MIS18A: variants seen among roughly 807,000 people sequenced by gnomAD.
MIS18A encodes protein Mis18-alpha.
Under a neutral mutation model 25.0 loss-of-function variants are expected in MIS18A, and 14 were observed. That is an observed-to-expected ratio of 0.56 (90% CI 0.37 to 0.88). MIS18A has a LOEUF of 0.88. Among genes scored for constraint, MIS18A ranks in the 40% least tolerant of loss-of-function variants. MIS18A has a pLI of 0.00. For synonymous variants in MIS18A, 134 were observed against 118.6 expected, an observed-to-expected ratio of 1.13 and a Z score of -0.84; for missense variants, 292 against 290.8, an observed-to-expected ratio of 1.00 and a Z score of -0.03.
chr21:32,172,592 C>T, the MIS18A span, among the ~76,000 whole-genome samples: 1 of 119,276 alleles, frequency 8.4e-6, no homozygotes, highest in Non-Finnish European at 1.7e-5. Context: ...TTTTTCCTTT[C>T]CTTTTTTTTT....
the MIS18A span, among the ~76,000 whole-genome samples, chr21:32,155,974 C>T: frequency 6.2e-3 from 940 of 151,920 alleles, 6 homozygotes; most frequent in Middle Eastern, 0.014. Flanking sequence ...TATTATTGAA[C>T]TTATGCAGAC....
the MIS18A span, among the ~76,000 whole-genome samples, chr21:32,232,219 A>G: frequency 6.6e-6 from 1 of 152,176 alleles, no homozygotes; most frequent in South Asian, 2.1e-4. Flanking sequence ...GAAGATCTAT[A>G]TATTCAGATA....
chr21:32,221,898 A>C, the MIS18A span, among the ~76,000 whole-genome samples: 264 of 152,174 alleles, frequency 1.7e-3, 1 homozygote, highest in African/African-American at 6.1e-3. Context: ...AAAAGAAAAA[A>C]AAAGCTAGCA....
chr21:32,213,213 C>T, the MIS18A span, among the ~76,000 whole-genome samples: 1 of 152,036 alleles, frequency 6.6e-6, no homozygotes, highest in African/African-American at 2.4e-5. Context: ...ATAACATTAC[C>T]GAGATATTCA....
chr21:32,180,311 C>T, the MIS18A span, among the ~76,000 whole-genome samples: 1 of 152,088 alleles, frequency 6.6e-6, no homozygotes, highest in Non-Finnish European at 1.5e-5. Flanking sequence ...TCTCTTCATC[C>T]AAAAAACAGG....
At chr21:32,240,882 G>T in the MIS18A span, among the ~76,000 whole-genome samples, 1 of 152,036 alleles carries the variant, frequency 6.6e-6, no homozygotes. Context: ...TCATTTATTT[G>T]CAGTTTATTT....
the MIS18A span, among the ~76,000 whole-genome samples, chr21:32,202,237 G>A: frequency 5.9e-5 from 9 of 151,784 alleles, no homozygotes; most frequent in African/African-American, 1.2e-4. Flanking sequence ...GCAGTGAGCC[G>A]TGACTGTGCC....
the MIS18A span, among the ~76,000 whole-genome samples, chr21:32,205,585 G>A: frequency 6.6e-6 from 1 of 152,118 alleles, no homozygotes; most frequent in Non-Finnish European, 1.5e-5. Context: ...TTTTGGGGGT[G>A]GAGAGGGTCT....
chr21:32,157,241 G>T, the MIS18A span, among the ~76,000 whole-genome samples: 100,669 of 104,832 alleles, frequency 0.96, 48,254 homozygotes, highest in South Asian at 0.97. Context: ...TTTTTTTTTT[G>T]GTAGTTTTAG....
chr21:32,227,769 T>C, the MIS18A span, among the ~76,000 whole-genome samples: 1 of 152,198 alleles, frequency 6.6e-6, no homozygotes, highest in Non-Finnish European at 1.5e-5. Flanking sequence ...TACATACTAA[T>C]ATTTATTGTG....
rs182457722 is a variant in MIS18A, at chr21:32,271,816, G to A, written c.402-1287C>T. Among the ~76,000 whole-genome samples the A allele has an allele frequency of 6.6e-5, 10 of 152,112 alleles. No individual in the cohort carries two copies. The South Asian group carries it at 2.1e-3, about 32-fold the overall frequency. On this transcript the variant is annotated intron_variant, in intron 2 of 4. Coordinates refer to ENST00000290130, the MANE Select transcript of MIS18A (RefSeq NM_018944.3). ...CCACTTAAATTACTCACAGTGAACA[G>A]GTAAACCTCCATGCTATATATCAAA...
At chr21:32,167,295 C>T in the MIS18A span, among the ~76,000 whole-genome samples, 1 of 151,964 alleles carries the variant, frequency 6.6e-6, no homozygotes, top group African/African-American at 2.4e-5. Context: ...AAAACAGGAC[C>T]AAAAGAACAA....
chr21:32,162,417 T>A, the MIS18A span, among the ~76,000 whole-genome samples: 10 of 152,182 alleles, frequency 6.6e-5, no homozygotes, highest in South Asian at 2.1e-4. Flanking sequence ...TCCTCTCCCA[T>A]CTCTTGCCCC....
chr21:32,233,815 T>G, the MIS18A span, among the ~76,000 whole-genome samples: 1 of 152,072 alleles, frequency 6.6e-6, no homozygotes, highest in Non-Finnish European at 1.5e-5. Flanking sequence ...CATGGCAAAT[T>G]GATCCAAGGA....
the MIS18A span, among the ~76,000 whole-genome samples, chr21:32,251,568 C>A: frequency 6.6e-6 from 1 of 152,148 alleles, no homozygotes; most frequent in Non-Finnish European, 1.5e-5. Context: ...TGACCTTTAA[C>A]CCTGTCAGCC....
the MIS18A span, among the ~76,000 whole-genome samples, chr21:32,242,400 AT>A: frequency 6.6e-6 from 1 of 151,910 alleles, no homozygotes; most frequent in South Asian, 2.1e-4. Flanking sequence ...AATATACATC[AT>A]TTTTTTCATG....
chr21:32,274,718 TA>T lies in MIS18A; in HGVS notation c.401+111del, dbSNP rs2031778486. The T allele has an allele frequency of 3.7e-6, 3 of 813,680 alleles. No homozygotes were observed. In the South Asian group the frequency reaches 5.0e-5, roughly 14 times the overall value. 50.4% of individuals were successfully genotyped at this position (813,680 alleles called of 1,614,324 possible). On this transcript the variant is annotated intron_variant, in intron 2 of 4. Coordinates refer to ENST00000290130, the MANE Select transcript of MIS18A (RefSeq NM_018944.3). Reference sequence around the variant, plus strand: ...GATATATGCGAACGACTGATTTTTTTACTATCATGAAAAGTTTTATCCCAAG... The same window carrying T: ...GATATATGCGAACGACTGATTTTTTTCTATCATGAAAAGTTTTATCCCAAG...
the MIS18A span, among the ~76,000 whole-genome samples, chr21:32,178,670 T>C: frequency 4.2e-3 from 635 of 152,292 alleles, no homozygotes; most frequent in Admixed American, 6.8e-3. Flanking sequence ...GTCTTGGTCT[T>C]TGACTAAGTA....
the MIS18A span, among the ~76,000 whole-genome samples, chr21:32,237,954 T>C: frequency 4.6e-5 from 7 of 152,088 alleles, no homozygotes; most frequent in Non-Finnish European, 1.0e-4. Context: ...AGGACCCAGA[T>C]GCTCTCCATC....
Sources: gnomAD v4.1 joint callset for allele counts (sites outside exome capture counted in the v4.1 genomes callset) on GRCh38, gnomAD v4.1.1 for gene constraint, MANE v1.5 for transcripts, NCBI Gene and HGNC (gene_info 2026-07-23, HGNC 2026-07-21) for gene names.